Variants in KCNMA1 observed in about 807,000 individuals in gnomAD.
KCNMA1 encodes potassium calcium-activated channel subfamily M alpha 1, also known as Calcium-activated potassium channel subunit alpha-1.
In KCNMA1, 29 loss-of-function variants were observed where a neutral mutation model predicts 140.0. The observed-to-expected ratio is 0.21, with a 90% CI of 0.15 to 0.28. The LOEUF is 0.28. Among genes scored for constraint, KCNMA1 ranks in the 10% least tolerant of loss-of-function variants. KCNMA1 has a pLI of 1.00. For synonymous variants in KCNMA1, 612 were observed against 611.9 expected (o/e 1.00, Z 0.00); for missense variants, 880 against 1,602.2 (o/e 0.55, Z 7.70).
rs1036733053 is a variant in KCNMA1 at position 76,953,702 on chromosome 10, G to A, written c.2484+99C>T. On this transcript the variant is annotated intron_variant, in intron 21 of 27. Coordinates refer to ENST00000286628, the MANE Select transcript of KCNMA1 (RefSeq NM_001161352.2). ...CTCATCAAAAATAATTAGGACCAGG[G>A]ACAGTATTATCCCACTGTCCAACTA... 5.0e-6 allele frequency: 7 copies of A among 1,410,244 alleles called. No homozygotes were observed. In the African/African-American group the frequency reaches 8.5e-5, roughly 17 times the overall value. 87.4% of individuals were successfully genotyped at this position (1,410,244 alleles called of 1,614,324 possible).
intron 14 of KCNMA1, among the ~76,000 whole-genome samples, chr10:77,049,214 C>T (rs1460292424): frequency 6.6e-6 from 1 of 152,128 alleles, no homozygotes; most frequent in East Asian, 1.9e-4. Flanking sequence ...TCTCTATGAC[C>T]TTTTTCAGTT....
At chr10:77,348,471 A>G (rs540612598) in intron 2 of KCNMA1, among the ~76,000 whole-genome samples, 34 of 152,312 alleles carry the variant, frequency 2.2e-4, no homozygotes, top group Middle Eastern at 3.4e-3. Flanking sequence ...GAAGGCCCAC[A>G]GAAGTCCCAA....
At chr10:77,561,663 G>C (rs892269194) in intron 1 of KCNMA1, among the ~76,000 whole-genome samples, 4 of 152,144 alleles carry the variant, frequency 2.6e-5, no homozygotes, top group Non-Finnish European at 5.9e-5. Context: ...AATGGGTAAG[G>C]CAGGTCCATG....
chr10:77,127,414 G>C (rs2097765699), intron 5 of KCNMA1, among the ~76,000 whole-genome samples: 1 of 152,124 alleles, frequency 6.6e-6, no homozygotes, highest in African/African-American at 2.4e-5. Flanking sequence ...ACTTCAGCCA[G>C]TCATTTCCAA....
At chr10:77,584,017 A>G (rs1431927370) in intron 1 of KCNMA1, among the ~76,000 whole-genome samples, 1 of 152,228 alleles carries the variant, frequency 6.6e-6, no homozygotes, top group Non-Finnish European at 1.5e-5. Context: ...AGATGATTAA[A>G]TTCTGTGTCC....
intron 1 of KCNMA1, among the ~76,000 whole-genome samples, chr10:77,455,299 A>G (rs936991996): frequency 2.0e-5 from 3 of 152,146 alleles, no homozygotes; most frequent in African/African-American, 7.2e-5. Flanking sequence ...TCAGGGTCAA[A>G]TAATTAATGG....
At chr10:77,178,259 C>T (rs1440055051) in intron 5 of KCNMA1, among the ~76,000 whole-genome samples, 1 of 152,128 alleles carries the variant, frequency 6.6e-6, no homozygotes, top group Non-Finnish European at 1.5e-5. Context: ...ATCACAGTAC[C>T]AGTAGGATAC....
intron 23 of KCNMA1, among the ~76,000 whole-genome samples, chr10:76,920,020 G>GTGTGTGTATA (rs1177257916): frequency 2.0e-4 from 7 of 34,428 alleles, no homozygotes; most frequent in East Asian, 1.3e-3. Flanking sequence ...GTGTGTGTGT[G>GTGTGTGTATA]TATATATATA....
intron 2 of KCNMA1, among the ~76,000 whole-genome samples, chr10:77,335,417 C>T (rs1319951295): frequency 6.6e-6 from 1 of 152,150 alleles, no homozygotes; most frequent in African/African-American, 2.4e-5. Context: ...TTTAGGCAAC[C>T]CTGGGGACTT....
At chr10:77,428,817 A>G (rs2097084007) in intron 1 of KCNMA1, among the ~76,000 whole-genome samples, 1 of 152,194 alleles carries the variant, frequency 6.6e-6, no homozygotes, top group Admixed American at 6.5e-5. Context: ...AAGATGATGG[A>G]TCTCTAAGAG....
intron 2 of KCNMA1, among the ~76,000 whole-genome samples, chr10:77,367,882 G>A (rs2094460000): frequency 6.6e-6 from 1 of 152,150 alleles, no homozygotes; most frequent in African/African-American, 2.4e-5. Flanking sequence ...TTTATCAATA[G>A]TTCATTCTTT....
At chr10:77,237,595 C>T (rs1425397143) in intron 3 of KCNMA1, among the ~76,000 whole-genome samples, 2 of 152,134 alleles carry the variant, frequency 1.3e-5, no homozygotes, top group African/African-American at 2.4e-5. Flanking sequence ...GTAGCTGAGA[C>T]TATAGGCACA....
chr10:77,357,213 C>T (rs2093568391), intron 2 of KCNMA1, among the ~76,000 whole-genome samples: 1 of 152,196 alleles, frequency 6.6e-6, no homozygotes, highest in South Asian at 2.1e-4. Context: ...ATCAAATTCC[C>T]ATCCCCATTT....
At chr10:77,321,046 T>C (rs1336335579) in intron 2 of KCNMA1, among the ~76,000 whole-genome samples, 1 of 152,246 alleles carries the variant, frequency 6.6e-6, no homozygotes, top group East Asian at 1.9e-4. Context: ...AGGGCCTTTC[T>C]AAGAAAATTC....
At chr10:77,411,158 C>T (rs775740697) in intron 1 of KCNMA1, among the ~76,000 whole-genome samples, 5 of 152,256 alleles carry the variant, frequency 3.3e-5, no homozygotes, top group African/African-American at 7.2e-5. Context: ...TGTGCCACCA[C>T]ACCTGTTTAG....
At chr10:76,891,799 C>G in intron 25 of KCNMA1, 80 bp from the exon 26 acceptor site, 1 of 1,207,628 alleles carries the variant, frequency 8.3e-7, no homozygotes, top group East Asian at 2.3e-5. Flanking sequence ...CAAATTACAA[C>G]TTTTCTTGGT....
At chr10:77,543,089 T>C (rs2060579811) in intron 1 of KCNMA1, among the ~76,000 whole-genome samples, 1 of 151,280 alleles carries the variant, frequency 6.6e-6, no homozygotes, top group Admixed American at 6.6e-5. Context: ...GAAACACAGG[T>C]TCCAGGGCTC....
At chr10:77,524,403 C>G (rs1419341749) in intron 1 of KCNMA1, among the ~76,000 whole-genome samples, 4 of 152,210 alleles carry the variant, frequency 2.6e-5, no homozygotes, top group Non-Finnish European at 5.9e-5. Context: ...AGCCTCAGAC[C>G]AACAGAGCTC....
intron 1 of KCNMA1, among the ~76,000 whole-genome samples, chr10:77,594,016 T>C (rs977141630): frequency 1.3e-5 from 2 of 152,216 alleles, no homozygotes; most frequent in East Asian, 3.8e-4. Flanking sequence ...ACAGATGATG[T>C]ATCACAGCTG....
Sources: allele counts gnomAD v4.1 joint callset (sites outside exome capture counted in the v4.1 genomes callset), GRCh38; gene constraint gnomAD v4.1.1; transcripts MANE v1.5; gene names NCBI Gene and HGNC (gene_info 2026-07-23, HGNC 2026-07-21).